The following GNG12 variants were observed in gnomAD, a reference collection of about 807,000 sequenced individuals.
GNG12 encodes guanine nucleotide-binding protein G(I)/G(S)/G(O) subunit gamma-12.
For missense variants in GNG12, 69 were observed against 83.8 expected (o/e 0.82, Z 0.69); for synonymous variants, 28 against 29.7 (o/e 0.94, Z 0.19).
At chr1:67,829,759 C>T (rs1647032535) in intron 1 of GNG12, among the ~76,000 whole-genome samples, 1 of 152,194 alleles carries the variant, frequency 6.6e-6, no homozygotes, top group Admixed American at 6.5e-5. Context: ...TTTACTCAAT[C>T]AAATGCTTCA....
At position 67,724,610 on chromosome 1, in the gene GNG12, G is replaced by A. The variant is rs530083746; in HGVS notation, c.-26-16898C>T. Among the ~76,000 whole-genome samples, 46 of 148,402 alleles carry A rather than the reference G, an allele frequency of 3.1e-4. 1 individual carries two copies. The highest frequency in any genetic ancestry group is 2.3e-3 in the Admixed American group (35 of 14,956). On this transcript the variant is annotated intron_variant, in intron 2 of 3. Transcript: ENST00000370982. Reference sequence around the variant, plus strand: ...TCACCATGTTCACCAGGCTGGCCTCGAACTCCTGACCTCAGGAGATCCACA... The same window carrying A: ...TCACCATGTTCACCAGGCTGGCCTCAAACTCCTGACCTCAGGAGATCCACA...
At position 67,703,518 on chromosome 1, in the gene GNG12, G is replaced by C. The variant is rs765180103; in HGVS notation, c.*1933C>G. ...AAAATAGACTTATAAAAAAAAGAATGTCTCATTAAGTGAAGCATTAAATGT... is the reference window on the plus strand; with the variant it reads ...AAAATAGACTTATAAAAAAAAGAATCTCTCATTAAGTGAAGCATTAAATGT... On this transcript the variant is annotated 3_prime_UTR_variant, in exon 4 of 4. Coordinates refer to ENST00000370982, the MANE Select transcript of GNG12 (RefSeq NM_018841.6). 6.6e-6 allele frequency: 1 copy of C among 152,176 alleles called. No individual in the cohort carries two copies. Among genetic ancestry groups the C allele is most frequent in the Non-Finnish European group, 1.5e-5 (1 of 68,028 alleles). The allele number at this position is 152,176 out of a possible 1,614,324, so 9.4% of individuals were successfully genotyped here.
chr1:67,724,108 G>A (rs1646372116), intron 2 of GNG12, among the ~76,000 whole-genome samples: 2 of 152,196 alleles, frequency 1.3e-5, no homozygotes, highest in South Asian at 2.1e-4. Flanking sequence ...AGGGGCAGGA[G>A]GGTTGTTTCA....
At chr1:67,772,125 C>G (rs1332787794) in intron 2 of GNG12, among the ~76,000 whole-genome samples, 1 of 152,146 alleles carries the variant, frequency 6.6e-6, no homozygotes, top group Non-Finnish European at 1.5e-5. Context: ...GCATGGAGTC[C>G]TGTGACATAA....
chr1:67,773,929 A>T (rs932905739), intron 2 of GNG12, among the ~76,000 whole-genome samples: 2 of 152,180 alleles, frequency 1.3e-5, no homozygotes, highest in African/African-American at 4.8e-5. Flanking sequence ...TCATCCTTGG[A>T]CTAAGCAAGA....
chr1:67,792,866 T>G (rs1646809372), intron 1 of GNG12, among the ~76,000 whole-genome samples: 1 of 152,238 alleles, frequency 6.6e-6, no homozygotes, highest in Non-Finnish European at 1.5e-5. Context: ...TTGGGTTTTC[T>G]GGCTGCCTGG....
intron 2 of GNG12, among the ~76,000 whole-genome samples, chr1:67,750,384 C>T (rs898803712): frequency 1.3e-5 from 2 of 152,334 alleles, no homozygotes; most frequent in Admixed American, 6.5e-5. Flanking sequence ...AGGCCTCTTG[C>T]TTTGTGGGCT....
chr1:67,709,937 TATATA>T (rs1646275569), intron 2 of GNG12, among the ~76,000 whole-genome samples: 4 of 18,748 alleles, frequency 2.1e-4, no homozygotes, highest in South Asian at 2.2e-3. Flanking sequence ...TATATATAGT[TATATA>T]TATATAGTTA....
In GNG12 at chr1:67,808,274, A is replaced by T. The variant is rs60560603; in HGVS notation, c.-77+25070T>A. 5.8e-3 allele frequency among the ~76,000 whole-genome samples: 882 copies of T among 152,024 alleles called. 12 individuals carry two copies. The highest frequency in any genetic ancestry group is 0.02 in the African/African-American group (840 of 41,504). ...CAACATCTATTCATGATTTTTTTTT[A>T]AAAAAACTATGTAAACTAAAAATAG... On this transcript the variant is annotated intron_variant, in intron 1 of 3. Coordinates refer to ENST00000370982, the MANE Select transcript of GNG12 (RefSeq NM_018841.6).
Position 67,748,569 on chromosome 1 carries a change from G to A in GNG12, c.-27+28889C>T, listed in dbSNP as rs546106410. 9.2e-5 allele frequency among the ~76,000 whole-genome samples: 14 copies of A among 152,246 alleles called. No individual in the cohort carries two copies. The South Asian group carries it at 2.9e-3, about 32-fold the overall frequency. On this transcript the variant is annotated intron_variant, in intron 2 of 3. Transcript: ENST00000370982. ...AAGAAGTGCAGCGTCTTTTGGGATG[G>A]CAGCTGTTTTATTCGCACCCTCTAA... is the stretch of plus-strand genomic sequence containing the variant.
chr1:67,768,474 A>AG, intron 2 of GNG12, among the ~76,000 whole-genome samples: 1 of 152,192 alleles, frequency 6.6e-6, no homozygotes, highest in East Asian at 1.9e-4. Flanking sequence ...TTAAAAAAAA[A>AG]CAGGCTGAGG....
At chr1:67,723,113 C>CA (rs1440005551) in intron 2 of GNG12, among the ~76,000 whole-genome samples, 1 of 152,044 alleles carries the variant, frequency 6.6e-6, no homozygotes, top group Non-Finnish European at 1.5e-5. Flanking sequence ...AATTACAATG[C>CA]AAAAAATTTT....
intron 1 of GNG12, among the ~76,000 whole-genome samples, chr1:67,789,741 G>T (rs1218817409): frequency 6.6e-6 from 1 of 152,198 alleles, no homozygotes; most frequent in East Asian, 1.9e-4. Flanking sequence ...ACAAGAGCCG[G>T]AAGGGTTTGT....
chr1:67,732,066 G>A (rs1646423113), intron 2 of GNG12, among the ~76,000 whole-genome samples: 1 of 152,140 alleles, frequency 6.6e-6, no homozygotes, highest in African/African-American at 2.4e-5. Context: ...ACACACAGGA[G>A]TAATATAAAT....
intron 1 of GNG12, among the ~76,000 whole-genome samples, chr1:67,782,598 T>G (rs1226610658): frequency 6.6e-6 from 1 of 152,182 alleles, no homozygotes; most frequent in Non-Finnish European, 1.5e-5. Flanking sequence ...TGGTGGTATA[T>G]GTACTCAACT....
intron 1 of GNG12, among the ~76,000 whole-genome samples, chr1:67,806,950 T>C (rs1646897279): frequency 6.6e-6 from 1 of 152,150 alleles, no homozygotes; most frequent in African/African-American, 2.4e-5. Context: ...TTGACTTCTA[T>C]AGACTACTTC....
chr1:67,716,909 G>C (rs1021778267), intron 2 of GNG12, among the ~76,000 whole-genome samples: 1 of 152,174 alleles, frequency 6.6e-6, no homozygotes, highest in Non-Finnish European at 1.5e-5. Context: ...TGATTCTCCT[G>C]TGCCCAAGAG....
chr1:67,706,063 T>A (rs1404265436), intron 3 of GNG12, among the ~76,000 whole-genome samples: 2 of 152,136 alleles, frequency 1.3e-5, no homozygotes, highest in African/African-American at 4.8e-5. Context: ...TGTGTGTATG[T>A]GTGTACAGAC....
chr1:67,702,209 CA>C lies in GNG12; in HGVS notation c.*3241del, dbSNP rs1646219606. 1 of 152,066 alleles carries C rather than the reference CA, an allele frequency of 6.6e-6. No homozygotes were observed. The highest frequency in any genetic ancestry group is 6.5e-5 in the Admixed American group (1 of 15,272). 9.4% of individuals were successfully genotyped at this position (152,066 alleles called of 1,614,324 possible). On this transcript the variant is annotated 3_prime_UTR_variant, in exon 4 of 4. Transcript: ENST00000370982. ...ATTTTTTCCCCATTAACAGGTCTAC[CA>C]TAAAAGAAAGCAATAAAACCCATAA...
Sources: gnomAD v4.1 joint callset for allele counts (sites outside exome capture counted in the v4.1 genomes callset) on GRCh38, gnomAD v4.1.1 for gene constraint, MANE v1.5 for transcripts, NCBI Gene and HGNC (gene_info 2026-07-23, HGNC 2026-07-21) for gene names.